The following PASK variants were observed in gnomAD, a reference collection of about 807,000 sequenced individuals.
The protein encoded by PASK is PAS domain containing serine/threonine kinase.
A neutral mutation model predicts 121.0 loss-of-function variants in PASK; 110 were observed. That is an observed-to-expected ratio of 0.91 (90% CI 0.78 to 1.06). PASK has a LOEUF of 1.06. Among genes scored for constraint, PASK ranks in the 50% least tolerant of loss-of-function variants. The pLI, the probability that PASK is intolerant of heterozygous loss-of-function variation, is 0.00. For synonymous variants in PASK, 686 were observed against 717.8 expected, an observed-to-expected ratio of 0.96 and a Z score of 0.71; for missense variants, 1,643 against 1,702.3, an observed-to-expected ratio of 0.97 and a Z score of 0.61.
At chr2:241,147,217 T>G (rs775117043) in intron 1 of PASK, among the ~76,000 whole-genome samples, 15 of 152,208 alleles carry the variant, frequency 9.9e-5, no homozygotes, top group Admixed American at 2.6e-4. Context: ...TAATTATAGC[T>G]TCAGAATACA....
At chr2:241,117,154 G>T (rs1018128054) in intron 12 of PASK, among the ~76,000 whole-genome samples, 18 of 152,180 alleles carry the variant, frequency 1.2e-4, no homozygotes, top group Non-Finnish European at 5.9e-5. Flanking sequence ...AAGAATCATC[G>T]GAGCCTGGGC....
chr2:241,137,524 G>C (rs1193275063), intron 6 of PASK, among the ~76,000 whole-genome samples: 1 of 152,214 alleles, frequency 6.6e-6, no homozygotes, highest in Non-Finnish European at 1.5e-5. Context: ...CCCCAGTGAG[G>C]GGCCGGGCAC....
chr2:241,114,740 C>G lies in PASK; in HGVS notation c.3333+303G>C. 3 of 1,381,996 alleles carry G rather than the reference C, an allele frequency of 2.2e-6. No homozygotes were observed. The Admixed American group carries it at 9.8e-5, about 45-fold the overall frequency. The allele number at this position is 1,381,996 out of a possible 1,614,324, so 85.6% of individuals were successfully genotyped here. ...CTCTCTGGCTGCATCCTAACCCTTA[C>G]TGGTTAATTTTTATGATTGTTGTGG... On this transcript the variant is annotated intron_variant, in intron 14 of 17. Transcript: ENST00000234040.
intron 9 of PASK, among the ~76,000 whole-genome samples, chr2:241,131,494 T>A (rs1349449444): frequency 6.6e-6 from 1 of 152,214 alleles, no homozygotes; most frequent in East Asian, 1.9e-4. Flanking sequence ...TATATGTATC[T>A]ATTACATATT....
In PASK at chr2:241,108,490, G is replaced by A. The variant is rs2064978269; in HGVS notation, c.3534-190C>T. 2 of 663,010 alleles carry A rather than the reference G, an allele frequency of 3.0e-6. No individual in the cohort carries two copies. Among genetic ancestry groups the A allele is most frequent in the East Asian group, 2.7e-5 (1 of 36,446 alleles). 41.1% of individuals were successfully genotyped at this position (663,010 alleles called of 1,614,324 possible). A position where few individuals can be genotyped will look rare whatever the true frequency, so the allele number is the denominator to read the frequency against. ...ACTTCTGCCCCAGGCCAGCCAGCAG[G>A]CCATGTGCCAGGAGTGGAGAGGCCA... On this transcript the variant is annotated intron_variant, in intron 15 of 17. Coordinates refer to ENST00000234040, the MANE Select transcript of PASK (RefSeq NM_015148.4). The surrounding 1 kb of genome is among the most constrained non-coding windows in gnomAD (Gnocchi z 5.2).
chr2:241,146,758 G>C (rs2286327), intron 1 of PASK, among the ~76,000 whole-genome samples: 6,805 of 152,240 alleles, frequency 0.045, 691 homozygotes, highest in East Asian at 0.45. Context: ...CAGGCAGGTG[G>C]TTCCCTCTGG....
chr2:241,125,372 G>A (rs1023291985), intron 10 of PASK, among the ~76,000 whole-genome samples: 2 of 150,968 alleles, frequency 1.3e-5, no homozygotes, highest in Admixed American at 1.3e-4. Context: ...AAGCCGAGGC[G>A]GGCGGATCAC....
At chr2:241,148,003 C>G (rs1003524576) in intron 1 of PASK, among the ~76,000 whole-genome samples, 2 of 152,190 alleles carry the variant, frequency 1.3e-5, no homozygotes, top group Non-Finnish European at 2.9e-5. Context: ...CAGCCACAGC[C>G]TGGCCTCAAG....
In PASK at chr2:241,112,723, C is replaced by T; in HGVS notation, c.3334-284G>A. On this transcript the variant is annotated intron_variant, in intron 14 of 17. Transcript: ENST00000234040. The surrounding 1 kb of genome is among the most constrained non-coding windows in gnomAD (Gnocchi z 5.2). ...TTTGCTGCTGAGAAAAGCTTCCCAG[C>T]AGACACTCGCCCCCACCAACGCACA... The T allele has an allele frequency of 2.5e-6, 1 of 397,430 alleles. No homozygotes were observed. Among genetic ancestry groups the T allele is most frequent in the Admixed American group, 4.2e-5 (1 of 23,984 alleles). The allele number at this position is 397,430 out of a possible 1,614,324, so 24.6% of individuals were successfully genotyped here. A position where few individuals can be genotyped will look rare whatever the true frequency, so the allele number is the denominator to read the frequency against.
In PASK at chr2:241,126,878, G is replaced by T; in HGVS notation, c.2037C>A (p.His679Gln). The change falls in exon 10 of 18, where the codon CAC becomes CAA. Residue 679 changes from histidine (H) to glutamine (Q), a missense_variant. Physicochemically the swap from His to Gln is conservative, Grantham distance 24 (BLOSUM62 0). Coordinates refer to ENST00000234040, the MANE Select transcript of PASK (RefSeq NM_015148.4). ...GGCACTCTGTCGGAACGAGTTCGGC[G>T]TGGGGGACATCCAGGGCTCCTGCAA... is the stretch of plus-strand genomic sequence containing the variant. ...LSLAGALDVP[H>Q]AELVPTECQA... 1 of 1,613,178 alleles carries T rather than the reference G, an allele frequency of 6.2e-7. No homozygotes were observed. The highest frequency in any genetic ancestry group is 8.5e-7 in the Non-Finnish European group (1 of 1,179,284).
chr2:241,140,617 C>T lies in PASK; in HGVS notation c.333G>A (p.Leu111=), dbSNP rs934193712. The part of the protein sequence containing the change: ...PRGSVSCCSL[L]RGLSSGWSSP... ...AGGACCACCCTGAGGACAGTCCCCG[C>T]AGCAGGGAGCAGCAGGACACACTGC... The change falls in exon 3 of 18, where the codon CTG becomes CTA. Residue 111 remains leucine, a synonymous_variant. Transcript: ENST00000234040. 3.1e-6 allele frequency: 5 copies of T among 1,614,038 alleles called. No individual in the cohort carries two copies. The African/African-American group carries it at 6.7e-5, about 22-fold the overall frequency.
intron 1 of PASK, among the ~76,000 whole-genome samples, chr2:241,146,536 T>C (rs2066964339): frequency 6.6e-6 from 1 of 152,206 alleles, no homozygotes. Context: ...TTTTAAATTC[T>C]GGTATATTCA....
intron 14 of PASK, chr2:241,114,738 T>G: frequency 7.2e-7 from 1 of 1,381,460 alleles, no homozygotes; most frequent in Middle Eastern, 2.7e-4. Flanking sequence ...TCCTAACCCT[T>G]ACTGGTTAAT....
Position 241,114,575 on chromosome 2 carries a change from C to T in PASK, c.3333+468G>A, listed in dbSNP as rs1049925204. ...CCGAAGTTCAATATGTAATTAGACACGAAACAGATCAAGACAAATACTTAC... is the reference window on the plus strand; with the variant it reads ...CCGAAGTTCAATATGTAATTAGACATGAAACAGATCAAGACAAATACTTAC... On this transcript the variant is annotated intron_variant, in intron 14 of 17. Transcript: ENST00000234040. 4.1e-5 allele frequency: 42 copies of T among 1,017,840 alleles called. No individual in the cohort carries two copies. In the African/African-American group the frequency reaches 4.5e-4, roughly 11 times the overall value. 63.1% of individuals were successfully genotyped at this position (1,017,840 alleles called of 1,614,324 possible). A position where few individuals can be genotyped will look rare whatever the true frequency, so the allele number is the denominator to read the frequency against.
chr2:241,133,051 G>C, intron 8 of PASK, 21 bp from the exon 9 acceptor site: 1 of 1,613,656 alleles, frequency 6.2e-7, no homozygotes, highest in South Asian at 1.1e-5. Context: ...CACCAAAAAA[G>C]AGCGTTTGCT....
Position 241,132,937 on chromosome 2 carries a change from G to C in PASK, c.1400C>G (p.Thr467Ser). 1 of 1,614,012 alleles carries C rather than the reference G, an allele frequency of 6.2e-7. No homozygotes were observed. The highest frequency in any genetic ancestry group is 1.1e-5 in the South Asian group (1 of 91,068). The change falls in exon 9 of 18, where the codon ACT (threonine) becomes AGT (serine). Residue 467 changes from threonine (T) to serine (S), a missense_variant. Coordinates refer to ENST00000234040, the MANE Select transcript of PASK (RefSeq NM_015148.4). ...LMESQDIFTG[T>S]QTELIAGGQL... is the part of the protein sequence containing the mutation. ...GCCTCCAGCAATCAGCTCAGTCTGA[G>C]TCCCGGTGAAGATGTCTTGGCTTTC... is the stretch of plus-strand genomic sequence containing the variant.
intron 9 of PASK, among the ~76,000 whole-genome samples, chr2:241,132,384 C>T (rs150871166): frequency 0.027 from 4,119 of 151,610 alleles, 169 homozygotes; most frequent in East Asian, 0.1. Context: ...GGCGTGGTGG[C>T]GGGCGCCTGT....
chr2:241,122,741 T>C lies in PASK; in HGVS notation c.3063A>G (p.Lys1021=). The stretch of plus-strand genomic sequence containing the variant: ...CCCACAGCCAGGTTACCTCCTTGTT[T>C]TTTTCCTTGTCCACAGCAGTCCACA... ...GFVWTAVDKE[K]NKEVVVKFIK... Residue 1021 remains lysine, a synonymous_variant, in exon 12 of 18, where the codon AAA becomes AAG. Coordinates refer to ENST00000234040, the MANE Select transcript of PASK (RefSeq NM_015148.4). 1 of 1,614,164 alleles carries C rather than the reference T, an allele frequency of 6.2e-7. No homozygotes were observed. Among genetic ancestry groups the C allele is most frequent in the Non-Finnish European group, 8.5e-7 (1 of 1,179,998 alleles).
Position 241,135,892 on chromosome 2 carries a change from C to T in PASK, c.1285G>A (p.Asp429Asn). Residue 429 changes from aspartate to asparagine, a missense_variant, in exon 8 of 18, where the codon GAC becomes AAC. Physicochemically the swap from Asp to Asn is conservative, Grantham distance 23. Coordinates refer to ENST00000234040, the MANE Select transcript of PASK (RefSeq NM_015148.4). ...ERTLDPWQGQDPAEGGQDPRI... is the reference protein window; with the variant it reads ...ERTLDPWQGQNPAEGGQDPRI... Reference sequence around the variant, plus strand: ...TTACCCTGGCCCCCCTCAGCTGGGTCCTGGCCCTGCCACGGGTCCAAGGTT... The same window carrying T: ...TTACCCTGGCCCCCCTCAGCTGGGTTCTGGCCCTGCCACGGGTCCAAGGTT... 1.9e-6 allele frequency: 3 copies of T among 1,614,142 alleles called. No homozygotes were observed. Among genetic ancestry groups the T allele is most frequent in the Non-Finnish European group, 2.5e-6 (3 of 1,179,994 alleles).
Sources: gnomAD v4.1 joint callset for allele counts (sites outside exome capture counted in the v4.1 genomes callset) on GRCh38, gnomAD v4.1.1 for gene constraint, Gnocchi (gnomAD v3.1) non-coding constraint, MANE v1.5 for transcripts, NCBI Gene and HGNC (gene_info 2026-07-23, HGNC 2026-07-21) for gene names.